Variants in GFRA2 observed in about 807,000 individuals in gnomAD.
The protein encoded by GFRA2 is GDNF family receptor alpha 2.
A neutral mutation model predicts 48.3 loss-of-function variants in GFRA2; 17 were observed. The observed-to-expected ratio is 0.35, with a 90% CI of 0.24 to 0.53. GFRA2 has a LOEUF of 0.53. Among genes scored for constraint, GFRA2 ranks in the 20% least tolerant of loss-of-function variants. The probability of loss-of-function intolerance (pLI) is 0.93; values close to 1 mark genes in which losing one functional copy is unlikely to be tolerated. For synonymous variants in GFRA2, 305 were observed against 257.2 expected, an observed-to-expected ratio of 1.19 and a Z score of -1.78; for missense variants, 660 against 637.3, an observed-to-expected ratio of 1.04 and a Z score of -0.38.
intron 4 of GFRA2, among the ~76,000 whole-genome samples, chr8:21,719,740 G>A (rs981687116): frequency 3.1e-4 from 47 of 152,282 alleles, no homozygotes; most frequent in African/African-American, 1.0e-3. Context: ...CTGGTGGTAC[G>A]AGGATGGATT....
chr8:21,698,464 C>T (rs555932472), intron 7 of GFRA2, among the ~76,000 whole-genome samples: 5 of 152,300 alleles, frequency 3.3e-5, no homozygotes, highest in Admixed American at 1.3e-4. Flanking sequence ...ACCCCCGAAG[C>T]GCAGGCCGGC....
chr8:21,747,071 G>A (rs1377017962), intron 4 of GFRA2, among the ~76,000 whole-genome samples: 1 of 152,120 alleles, frequency 6.6e-6, no homozygotes, highest in Non-Finnish European at 1.5e-5. Flanking sequence ...TCCAGCTTTT[G>A]AGCGCACCCA....
chr8:21,740,559 A>C (rs1240485827), intron 4 of GFRA2, among the ~76,000 whole-genome samples: 2 of 152,158 alleles, frequency 1.3e-5, no homozygotes, highest in African/African-American at 4.8e-5. Flanking sequence ...TGACTCCTAG[A>C]ATACCATAAT....
intron 4 of GFRA2, among the ~76,000 whole-genome samples, chr8:21,746,326 C>G (rs1354720435): frequency 6.6e-6 from 1 of 152,202 alleles, no homozygotes; most frequent in Non-Finnish European, 1.5e-5. Flanking sequence ...TCTCCATGCT[C>G]GTGCCAGACT....
At chr8:21,702,440 A>C (rs893542732) in intron 7 of GFRA2, among the ~76,000 whole-genome samples, 2 of 152,118 alleles carry the variant, frequency 1.3e-5, no homozygotes, top group African/African-American at 4.8e-5. Flanking sequence ...GCATCCTGGC[A>C]CTGTGGAGGT....
intron 4 of GFRA2, among the ~76,000 whole-genome samples, chr8:21,716,339 C>T (rs1803334140): frequency 1.3e-5 from 2 of 151,220 alleles, no homozygotes; most frequent in Admixed American, 1.3e-4. Flanking sequence ...ACATTCTTGA[C>T]TACTATTTAG....
intron 3 of GFRA2, among the ~76,000 whole-genome samples, chr8:21,773,727 G>C (rs1238288809): frequency 6.6e-6 from 1 of 152,200 alleles, no homozygotes; most frequent in Non-Finnish European, 1.5e-5. Flanking sequence ...CATGGTCCTA[G>C]AGAGTTCTTT....
chr8:21,701,286 C>A (rs1211264320), intron 7 of GFRA2, among the ~76,000 whole-genome samples: 2 of 152,088 alleles, frequency 1.3e-5, no homozygotes, highest in African/African-American at 4.8e-5. Flanking sequence ...CCCAGCTACT[C>A]GGGAGGCTGA....
At chr8:21,810,212 C>T (rs974147993) in intron 1 of GFRA2, among the ~76,000 whole-genome samples, 6 of 152,204 alleles carry the variant, frequency 3.9e-5, no homozygotes, top group African/African-American at 1.2e-4. Context: ...CTGATGAACA[C>T]AGGAGCCCCA....
Position 21,750,793 on chromosome 8 carries a change from G to A in GFRA2, c.589C>T (p.Arg197Cys), listed in dbSNP as rs757897910. Residue 197 changes from arginine to cysteine, a missense_variant, in exon 4 of 9, where the codon CGC (arginine) becomes TGC (cysteine). Arg to Cys is a radical substitution (Grantham distance 180). Coordinates refer to ENST00000524240, the MANE Select transcript of GFRA2 (RefSeq NM_001495.5). The surrounding 1 kb of genome is among the most constrained non-coding windows in gnomAD (Gnocchi z 5.7). ...CGCAGGGCCTTGTGGCACTTGCGGC[G>A]GTTGCAGCGCTCGGTGGGCGAGATC... is the stretch of plus-strand genomic sequence containing the variant. Reference protein sequence around the residue: ...REISPTERCNRRKCHKALRQF... With the variant: ...REISPTERCNCRKCHKALRQF... 6 of 1,613,922 alleles carry A rather than the reference G, an allele frequency of 3.7e-6. No individual in the cohort carries two copies. The highest frequency in any genetic ancestry group is 2.7e-5 in the African/African-American group (2 of 74,954).
chr8:21,775,102 C>A (rs1181637793), intron 2 of GFRA2, 47 bp from the exon 3 acceptor site: 1 of 950,826 alleles, frequency 1.1e-6, no homozygotes, highest in South Asian at 1.3e-5. Context: ...CGGGCCAGAG[C>A]GCTGCCGGCA....
At chr8:21,705,806 C>G (rs919874874) in intron 5 of GFRA2, 126 bp downstream of exon 5, 7 of 637,868 alleles carry the variant, frequency 1.1e-5, no homozygotes, top group Non-Finnish European at 1.7e-5. Flanking sequence ...CTCTCTGAAT[C>G]TGATGCAGAG....
intron 4 of GFRA2, among the ~76,000 whole-genome samples, chr8:21,729,646 C>T (rs916586095): frequency 6.6e-6 from 1 of 152,220 alleles, no homozygotes; most frequent in Admixed American, 6.5e-5. Context: ...CACAGACAAG[C>T]TCGCAGGGAA....
At chr8:21,797,287 CTTTTTTT>C (rs1159867192) in intron 2 of GFRA2, among the ~76,000 whole-genome samples, 1 of 85,646 alleles carries the variant, frequency 1.2e-5, no homozygotes, top group African/African-American at 4.8e-5. Flanking sequence ...CCTTTCTTTG[CTTTTTTT>C]TTTTTTTTTT....
chr8:21,691,032 A>G lies in GFRA2; in HGVS notation c.*2246T>C, dbSNP rs2117295512. The G allele has an allele frequency of 6.6e-6, 1 of 152,324 alleles. No individual in the cohort carries two copies. Among genetic ancestry groups the G allele is most frequent in the East Asian group, 1.9e-4 (1 of 5,192 alleles). 9.4% of individuals were successfully genotyped at this position (152,324 alleles called of 1,614,324 possible). A position where few individuals can be genotyped will look rare whatever the true frequency, so the allele number is the denominator to read the frequency against. Reference sequence around the variant, plus strand: ...CAGAGGCTGGAAGGCAATACACCACAGTGATAAACGCTGTGAACGGATGCT... The same window carrying G: ...CAGAGGCTGGAAGGCAATACACCACGGTGATAAACGCTGTGAACGGATGCT... On this transcript the variant is annotated 3_prime_UTR_variant, in exon 9 of 9. Coordinates refer to ENST00000524240, the MANE Select transcript of GFRA2 (RefSeq NM_001495.5).
intron 3 of GFRA2, among the ~76,000 whole-genome samples, chr8:21,761,730 G>T (rs1280292482): frequency 6.6e-6 from 1 of 152,168 alleles, no homozygotes; most frequent in East Asian, 1.9e-4. Context: ...TGGGTGGATT[G>T]CTTGAGGCCA....
chr8:21,746,309 G>A (rs1805002391), intron 4 of GFRA2, among the ~76,000 whole-genome samples: 1 of 152,160 alleles, frequency 6.6e-6, no homozygotes, highest in South Asian at 2.1e-4. Context: ...GTTCCCTAAA[G>A]GGCACTTCTC....
At chr8:21,792,415 T>C (rs1807588758), upstream of GFRA2, among the ~76,000 whole-genome samples, 1 of 152,190 alleles carries the variant, frequency 6.6e-6, no homozygotes. Flanking sequence ...AAGTGTCCTC[T>C]GCCATGGGAC....
At chr8:21,782,556 C>T in intron 2 of GFRA2, 29 bp downstream of exon 2, 1 of 1,519,526 alleles carries the variant, frequency 6.6e-7, no homozygotes, top group Non-Finnish European at 8.9e-7. Flanking sequence ...CACACCCCCT[C>T]CCCTTGGGCA....
Sources: gnomAD v4.1 joint callset for allele counts (sites outside exome capture counted in the v4.1 genomes callset) on GRCh38, gnomAD v4.1.1 for gene constraint, Gnocchi (gnomAD v3.1) non-coding constraint, MANE v1.5 for transcripts, NCBI Gene and HGNC (gene_info 2026-07-23, HGNC 2026-07-21) for gene names.